YJEFN3: variants seen among roughly 807,000 people sequenced by gnomAD.
The protein encoded by YJEFN3 is yjeF N-terminal domain-containing protein 3.
In YJEFN3, 29 loss-of-function variants were observed where a neutral mutation model predicts 31.5. The ratio of observed to expected loss-of-function variants is 0.92; its 90% CI spans 0.69 to 1.26. The LOEUF (loss-of-function observed/expected upper bound fraction) is 1.26, where lower values mean the gene tolerates loss of function less well. YJEFN3 is among the 50% of genes most tolerant of loss of function. The pLI, the probability that YJEFN3 is intolerant of heterozygous loss-of-function variation, is 0.00. For synonymous variants in YJEFN3, 227 were observed against 196.1 expected (o/e 1.16, Z -1.32); for missense variants, 442 against 425.4 (o/e 1.04, Z -0.34).
At position 19,534,220 on chromosome 19, in the gene YJEFN3, CAG is replaced by C. The variant is rs976008091; in HGVS notation, c.319-808_319-807del. Reference sequence around the variant, plus strand: ...GAGACAGATGGAGAGAGACAGATAACAGAGAGATACAGAGACAGCCAGAGACA... The same window carrying C: ...GAGACAGATGGAGAGAGACAGATAACAGAGATACAGAGACAGCCAGAGACA... On this transcript the variant is annotated intron_variant, in intron 3 of 6. Coordinates refer to ENST00000514277, the MANE Select transcript of YJEFN3 (RefSeq NM_198537.4). The surrounding 1 kb of genome is among the most constrained non-coding windows in gnomAD (Gnocchi z 4.6). The C allele has an allele frequency of 1.7e-4, 156 of 934,994 alleles. No individual in the cohort carries two copies. Among genetic ancestry groups the C allele is most frequent in the African/African-American group, 8.9e-4 (50 of 56,134 alleles). The allele number at this position is 934,994 out of a possible 1,614,324, so 57.9% of individuals were successfully genotyped here.
At chr19:19,532,797 C>A in intron 3 of YJEFN3, 57 bp downstream of exon 3, 1 of 1,375,846 alleles carries the variant, frequency 7.3e-7, no homozygotes. Context: ...CTCTCCTGAG[C>A]TGCATGACTG....
At position 19,537,303 on chromosome 19, in the gene YJEFN3, G is replaced by T. The variant is rs1463432193; in HGVS notation, c.695-16G>T. 1 of 1,573,198 alleles carries T rather than the reference G, an allele frequency of 6.4e-7. No individual in the cohort carries two copies. The highest frequency in any genetic ancestry group is 8.6e-7 in the Non-Finnish European group (1 of 1,165,514). ...ACCCTCCCAGTTCCCAATCCCCCCG[G>T]ACCCTCCTCCCTCAGGCTGGGACGC... is the stretch of plus-strand genomic sequence containing the variant. On this transcript the variant is annotated splice_polypyrimidine_tract_variant and intron_variant, in intron 6 of 6. Coordinates refer to ENST00000514277, the MANE Select transcript of YJEFN3 (RefSeq NM_198537.4).
Position 19,529,374 on chromosome 19 carries a change from C to T in YJEFN3, c.70C>T (p.Leu24=), listed in dbSNP as rs371749106. 4 of 1,612,358 alleles carry T rather than the reference C, an allele frequency of 2.5e-6. No homozygotes were observed. The highest frequency in any genetic ancestry group is 2.5e-6 in the Non-Finnish European group (3 of 1,179,236). Residue 24 remains leucine, a synonymous_variant, in exon 2 of 7, where the codon CTG becomes TTG. Transcript: ENST00000514277. ...CTCCATCTCTCCCAGGGCCTTGGAGCTGCAGCCCCCACTTGCCGACATGGG... is the reference window on the plus strand; with the variant it reads ...CTCCATCTCTCCCAGGGCCTTGGAGTTGCAGCCCCCACTTGCCGACATGGG... ...EERHFLRALE[L]QPPLADMGRA...
Position 19,528,975 on chromosome 19 carries a change from G to A in YJEFN3, c.43G>A (p.Glu15Lys), listed in dbSNP as rs2061126063. 5 of 1,550,582 alleles carry A rather than the reference G, an allele frequency of 3.2e-6. No individual in the cohort carries two copies. Among genetic ancestry groups the A allele is most frequent in the Non-Finnish European group, 4.4e-6 (5 of 1,146,842 alleles). ...AGPDPSEAPEERHFLRALELQ... is the reference protein window; with the variant it reads ...AGPDPSEAPEKRHFLRALELQ... ...CCCAGACCCGTCGGAGGCGCCCGAA[G>A]AGCGGCATTTCCTCAGGTCAGCTGG... The change falls in exon 1 of 7, where the codon GAG becomes AAG. Residue 15 changes from glutamate to lysine, a missense_variant. Glu to Lys is a moderately conservative substitution (Grantham distance 56). Coordinates refer to ENST00000514277, the MANE Select transcript of YJEFN3 (RefSeq NM_198537.4).
chr19:19,528,974 A>C lies in YJEFN3; in HGVS notation c.42A>C (p.Glu14Asp), dbSNP rs371964947. 1.3e-5 allele frequency: 20 copies of C among 1,550,420 alleles called. No homozygotes were observed. The highest frequency in any genetic ancestry group is 1.7e-5 in the Non-Finnish European group (20 of 1,146,816). The part of the protein sequence containing the change: ...AAGPDPSEAP[E>D]ERHFLRALEL... ...GCCCAGACCCGTCGGAGGCGCCCGA[A>C]GAGCGGCATTTCCTCAGGTCAGCTG... is the stretch of plus-strand genomic sequence containing the variant. Residue 14 changes from glutamate to aspartate, a missense_variant, in exon 1 of 7, where the codon GAA (glutamate) becomes GAC (aspartate). Transcript: ENST00000514277.
chr19:19,533,727 C>T, intron 3 of YJEFN3: 1 of 985,362 alleles, frequency 1.0e-6, no homozygotes, highest in African/African-American at 1.7e-5. Context: ...GTTTGTATTT[C>T]CAAATGAAAT....
chr19:19,537,443 G>A lies in YJEFN3; in HGVS notation c.819G>A (p.Arg273=), dbSNP rs1411783204. Residue 273 remains arginine (R), a synonymous_variant, in exon 7 of 7, where the codon AGG becomes AGA. Transcript: ENST00000514277. Reference sequence around the variant, plus strand: ...GGCGCCACCACTTCGTGGCCGGCAGGTTCGTGCCCGATGACGTGCGCCGCA... The same window carrying A: ...GGCGCCACCACTTCGTGGCCGGCAGATTCGTGCCCGATGACGTGCGCCGCA... ...FSGRHHFVAG[R]FVPDDVRRKF... The A allele has an allele frequency of 2.5e-6, 4 of 1,588,070 alleles. No homozygotes were observed. The highest frequency in any genetic ancestry group is 1.7e-5 in the Admixed American group (1 of 58,574).
chr19:19,529,291 A>G (rs2061129870), intron 1 of YJEFN3, 73 bp from the exon 2 acceptor site: 1 of 1,518,654 alleles, frequency 6.6e-7, no homozygotes. Flanking sequence ...CTCATGAATG[A>G]TTCATCAGCA....
chr19:19,537,575 C>T lies in YJEFN3; in HGVS notation c.*51C>T. On this transcript the variant is annotated 3_prime_UTR_variant, in exon 7 of 7. Coordinates refer to ENST00000514277, the MANE Select transcript of YJEFN3 (RefSeq NM_198537.4). ...GACCCTCGCCAATAAACAGCCCTCC[C>T]ACCACCGCCGCCTCGCCTCCGCCTC... The T allele has an allele frequency of 6.9e-7, 1 of 1,458,844 alleles. No homozygotes were observed. Among genetic ancestry groups the T allele is most frequent in the Non-Finnish European group, 9.1e-7 (1 of 1,101,446 alleles). 90.4% of individuals were successfully genotyped at this position (1,458,844 alleles called of 1,614,324 possible).
At chr19:19,533,403 T>G in intron 3 of YJEFN3, 1 of 986,010 alleles carries the variant, frequency 1.0e-6, no homozygotes, top group Non-Finnish European at 1.2e-6. Context: ...CGTGACTGCC[T>G]CCTCTTCCTC....
At position 19,528,938 on chromosome 19, in the gene YJEFN3, C is replaced by T. The variant is rs757803692; in HGVS notation, c.6C>T (p.Ser2=). The T allele has an allele frequency of 2.1e-5, 32 of 1,548,672 alleles. No individual in the cohort carries two copies. The South Asian group carries it at 3.0e-4, about 14-fold the overall frequency. The change falls in exon 1 of 7, where the codon AGC becomes AGT. Residue 2 remains serine, a synonymous_variant. Transcript: ENST00000514277. ...CGCCCGGGCTCACCTCGGCCATGAGCAGCGCAGCCGGCCCAGACCCGTCGG... is the reference window on the plus strand; with the variant it reads ...CGCCCGGGCTCACCTCGGCCATGAGTAGCGCAGCCGGCCCAGACCCGTCGG... M[S]SAAGPDPSEA... is the part of the protein sequence containing the mutation.
intron 1 of YJEFN3, 102 bp from the exon 2 acceptor site, chr19:19,529,262 C>T: frequency 6.8e-7 from 1 of 1,465,062 alleles, no homozygotes; most frequent in Non-Finnish European, 9.0e-7. Context: ...GGGGAAACTG[C>T]CTCCGGGGCA....
intron 3 of YJEFN3, 114 bp downstream of exon 3, chr19:19,532,854 G>A: frequency 9.2e-7 from 1 of 1,088,476 alleles, no homozygotes; most frequent in Non-Finnish European, 1.3e-6. Context: ...TTTTGCTTGG[G>A]CCTACCCCAG....
intron 3 of YJEFN3, chr19:19,533,378 CAGTCG>C: frequency 2.0e-6 from 2 of 985,990 alleles, no homozygotes; most frequent in African/African-American, 1.7e-5. Flanking sequence ...CTGTCCCATA[CAGTCG>C]AGGCTCTAGC....
chr19:19,533,731 A>G (rs2061180780), intron 3 of YJEFN3: 1 of 985,388 alleles, frequency 1.0e-6, no homozygotes, highest in South Asian at 4.7e-5. Flanking sequence ...GTATTTCCAA[A>G]TGAAATAGAT....
At chr19:19,533,477 CCCT>C (rs1418996149) in intron 3 of YJEFN3, 8 of 916,572 alleles carry the variant, frequency 8.7e-6, no homozygotes, top group Middle Eastern at 5.5e-4. Flanking sequence ...CCTCCTCTTA[CCCT>C]CCTCCTCCTT....
At chr19:19,531,089 G>A (rs539630880) in intron 2 of YJEFN3, among the ~76,000 whole-genome samples, 5 of 152,262 alleles carry the variant, frequency 3.3e-5, no homozygotes, top group African/African-American at 4.8e-5. Flanking sequence ...GGAAGCCCTC[G>A]CTGACTCCCA....
chr19:19,535,230 A>G, intron 4 of YJEFN3, 86 bp downstream of exon 4: 2 of 1,507,212 alleles, frequency 1.3e-6, no homozygotes, highest in Non-Finnish European at 1.8e-6. Flanking sequence ...CCAGGGGGAC[A>G]TTGACGCAGG....
At position 19,529,405 on chromosome 19, in the gene YJEFN3, C is replaced by T; in HGVS notation, c.101C>T (p.Ala34Val). 6.2e-7 allele frequency: 1 copy of T among 1,613,992 alleles called. No homozygotes were observed. The highest frequency in any genetic ancestry group is 8.5e-7 in the Non-Finnish European group (1 of 1,179,958). Residue 34 changes from alanine (A) to valine (V), a missense_variant, in exon 2 of 7, where the codon GCG (alanine) becomes GTG (valine). Transcript: ENST00000514277. ...CCCCCACTTGCCGACATGGGAAGAGCGGAGCTTAGCTCAAATGCTACCACC... is the reference window on the plus strand; with the variant it reads ...CCCCCACTTGCCGACATGGGAAGAGTGGAGCTTAGCTCAAATGCTACCACC... Reference protein sequence around the residue: ...LQPPLADMGRAELSSNATTSL... With the variant: ...LQPPLADMGRVELSSNATTSL...
Sources: gnomAD v4.1 joint callset for allele counts (sites outside exome capture counted in the v4.1 genomes callset) on GRCh38, gnomAD v4.1.1 for gene constraint, Gnocchi (gnomAD v3.1) non-coding constraint, MANE v1.5 for transcripts, NCBI Gene and HGNC (gene_info 2026-07-23, HGNC 2026-07-21) for gene names.